ADCY8: variants seen among roughly 807,000 people sequenced by gnomAD.
ADCY8 encodes the protein adenylate cyclase 8.
A neutral mutation model predicts 119.7 loss-of-function variants in ADCY8; 51 were observed. That is an observed-to-expected ratio of 0.43 (90% CI 0.34 to 0.54). The LOEUF (loss-of-function observed/expected upper bound fraction) is 0.54, where lower values mean the gene tolerates loss of function less well. Ranked by LOEUF, ADCY8 falls within the 20% of genes least tolerant of loss-of-function variation. The probability of loss-of-function intolerance (pLI) is 0.03; values close to 1 mark genes in which losing one functional copy is unlikely to be tolerated. For synonymous variants in ADCY8, 665 were observed against 651.0 expected, an observed-to-expected ratio of 1.02 and a Z score of -0.33; for missense variants, 1,383 against 1,598.8, an observed-to-expected ratio of 0.87 and a Z score of 2.30.
chr8:131,031,086 G>T (rs1823982374), intron 1 of ADCY8, among the ~76,000 whole-genome samples: 2 of 151,864 alleles, frequency 1.3e-5, no homozygotes. Context: ...CCCTCTATAG[G>T]AATATATATG....
intron 9 of ADCY8, among the ~76,000 whole-genome samples, chr8:130,855,892 C>T (rs922722602): frequency 1.3e-5 from 2 of 152,130 alleles, no homozygotes; most frequent in African/African-American, 4.8e-5. Context: ...CCAGATTTCA[C>T]TCCCACCTCT....
rs745439170 is a variant in ADCY8 at position 130,951,897 on chromosome 8, C to T, written c.1212G>A (p.Arg404=). 1.9e-6 allele frequency: 3 copies of T among 1,614,038 alleles called. No homozygotes were observed. The Admixed American group carries it at 5.0e-5, about 27-fold the overall frequency. Residue 404 remains arginine (R), a synonymous_variant, in exon 3 of 18, where the codon CGG becomes CGA. Coordinates refer to ENST00000286355, the MANE Select transcript of ADCY8 (RefSeq NM_001115.3). ...EDEHLQHQFH[R]IYIHRYENVS... is the part of the protein sequence containing the mutation. ...CGTTCTCATAGCGATGGATGTAGAT[C>T]CGATGGAACTGGTGCTGCAGGTGCT...
At chr8:130,984,151 T>C (rs951467382) in intron 2 of ADCY8, among the ~76,000 whole-genome samples, 1 of 146,818 alleles carries the variant, frequency 6.8e-6, no homozygotes, top group African/African-American at 2.6e-5. Context: ...GCTCCCTGTG[T>C]GGGACAGAGG....
Position 130,800,577 on chromosome 8 carries a change from A to T in ADCY8, c.2914-5T>A. The T allele has an allele frequency of 6.2e-7, 1 of 1,613,746 alleles. No homozygotes were observed. The highest frequency in any genetic ancestry group is 2.2e-5 in the East Asian group (1 of 44,882). ...ATAGGATTGAGAATACAGCTCCTGG[A>T]CAGAGACACACAGAGGGCACCAGAA... On this transcript the variant is annotated splice_region_variant and splice_polypyrimidine_tract_variant and intron_variant, in intron 14 of 17. Coordinates refer to ENST00000286355, the MANE Select transcript of ADCY8 (RefSeq NM_001115.3).
At position 130,946,512 on chromosome 8, in the gene ADCY8, C is replaced by T. The variant is rs568288377; in HGVS notation, c.1242-3050G>A. Among the ~76,000 whole-genome samples the T allele has an allele frequency of 2.1e-4, 32 of 152,250 alleles. No homozygotes were observed. In the South Asian group the frequency reaches 6.6e-3, roughly 32 times the overall value. ...TTAAAATCATGTTAAGAGTCTATAC[C>T]CCTCTGGAGACTTCCCCAAGCATAG... On this transcript the variant is annotated intron_variant, in intron 3 of 17. Transcript: ENST00000286355.
At chr8:130,902,814 C>T (rs917904251) in intron 7 of ADCY8, among the ~76,000 whole-genome samples, 1 of 151,818 alleles carries the variant, frequency 6.6e-6, no homozygotes, top group Non-Finnish European at 1.5e-5. Flanking sequence ...TCTGCTTGGT[C>T]GAGGATCTTA....
In ADCY8 at chr8:131,023,718, C is replaced by T. The variant is rs567431635; in HGVS notation, c.960+15656G>A. Among the ~76,000 whole-genome samples the T allele has an allele frequency of 3.3e-4, 50 of 152,158 alleles. No individual in the cohort carries two copies. The Middle Eastern group carries it at 0.014, about 41-fold the overall frequency. ...GGTTGTTTGATATTGAGATAAGTTC[C>T]CAGTTTGAAATCTGCACATGTGCAT... On this transcript the variant is annotated intron_variant, in intron 1 of 17. Coordinates refer to ENST00000286355, the MANE Select transcript of ADCY8 (RefSeq NM_001115.3).
intron 13 of ADCY8, among the ~76,000 whole-genome samples, chr8:130,819,023 C>T (rs1008482091): frequency 1.3e-5 from 2 of 152,056 alleles, no homozygotes; most frequent in South Asian, 2.1e-4. Context: ...TTTATATGTG[C>T]GAGCCACTGG....
intron 1 of ADCY8, among the ~76,000 whole-genome samples, chr8:131,029,695 A>G (rs570195000): frequency 4.5e-4 from 68 of 152,354 alleles, no homozygotes; most frequent in African/African-American, 1.6e-3. Context: ...ATGTACATGT[A>G]TATGAATATG....
At chr8:130,992,419 A>ATATATG (rs1285425090) in intron 1 of ADCY8, among the ~76,000 whole-genome samples, 26 of 127,770 alleles carry the variant, frequency 2.0e-4, no homozygotes, top group African/African-American at 8.6e-4. Context: ...ATATATATAT[A>ATATATG]TATATATATA....
rs1563689652 is a variant in ADCY8 at position 130,846,798 on chromosome 8, CCT to C, written c.2502+624_2502+625del. The stretch of plus-strand genomic sequence containing the variant: ...TCCTTCTCCTTCCTTCCTTCTCCTT[CCT>C]TCCTTCCCTCCCCTCCCTTTCCTTC... On this transcript the variant is annotated intron_variant, in intron 11 of 17. Transcript: ENST00000286355. Among the ~76,000 whole-genome samples, 68 of 96,588 alleles carry C rather than the reference CCT, an allele frequency of 7.0e-4. 8 individuals are homozygous for C. Among genetic ancestry groups the C allele is most frequent in the South Asian group, 1.8e-3 (3 of 1,646 alleles). The allele number at this position is 96,588 out of a possible 152,430, so 63.4% of individuals were successfully genotyped here.
rs147964299 is a variant in ADCY8, at chr8:130,956,631, A to G, written c.1111-4633T>C. Among the ~76,000 whole-genome samples, 83 of 152,296 alleles carry G rather than the reference A, an allele frequency of 5.4e-4. 2 individuals carry two copies. The Middle Eastern group carries it at 0.017, about 31-fold the overall frequency. On this transcript the variant is annotated intron_variant, in intron 2 of 17. Transcript: ENST00000286355. ...TCTTTTTGTATCCAAGGCCCAGAAT[A>G]ATGCCTTGTGGTATGGTTTGGCAAA... is the stretch of plus-strand genomic sequence containing the variant.
At position 130,787,988 on chromosome 8, in the gene ADCY8, T is replaced by C. The variant is rs143628583; in HGVS notation, c.3061-2513A>G. On this transcript the variant is annotated intron_variant, in intron 15 of 17. Transcript: ENST00000286355. ...GAAAGTCAAGAATAGTTTTGGATTATATCACATGCTTGTCTATCACATGCA... is the reference window on the plus strand; with the variant it reads ...GAAAGTCAAGAATAGTTTTGGATTACATCACATGCTTGTCTATCACATGCA... Among the ~76,000 whole-genome samples, 857 of 152,348 alleles carry C rather than the reference T, an allele frequency of 5.6e-3. 5 individuals are homozygous for C. Among genetic ancestry groups the C allele is most frequent in the Middle Eastern group, 0.027 (8 of 294 alleles).
At chr8:130,950,996 C>A (rs966015768) in intron 3 of ADCY8, among the ~76,000 whole-genome samples, 7 of 152,192 alleles carry the variant, frequency 4.6e-5, no homozygotes, top group Non-Finnish European at 5.9e-5. Context: ...CCGTGCCCGG[C>A]CAGTACATTT....
At chr8:130,943,234 G>T in intron 4 of ADCY8, 117 bp downstream of exon 4, 1 of 706,254 alleles carries the variant, frequency 1.4e-6, no homozygotes. Flanking sequence ...CATGCCTAGG[G>T]ACAGGATGCA....
chr8:131,032,126 T>G (rs1037856872), intron 1 of ADCY8, among the ~76,000 whole-genome samples: 1 of 152,218 alleles, frequency 6.6e-6, no homozygotes, highest in African/African-American at 2.4e-5. Flanking sequence ...ATTTTTACAC[T>G]GGCACTGTAG....
intron 2 of ADCY8, among the ~76,000 whole-genome samples, chr8:130,982,600 C>A (rs901804314): frequency 6.6e-6 from 1 of 152,170 alleles, no homozygotes; most frequent in African/African-American, 2.4e-5. Flanking sequence ...TGCTCAGAGT[C>A]ACACTAGCAA....
At chr8:130,950,881 G>A (rs1205005667) in intron 3 of ADCY8, among the ~76,000 whole-genome samples, 2 of 152,066 alleles carry the variant, frequency 1.3e-5, no homozygotes, top group Admixed American at 1.3e-4. Context: ...TGTATTTTTG[G>A]TAGAGATGGG....
intron 15 of ADCY8, among the ~76,000 whole-genome samples, chr8:130,794,532 G>C (rs976789702): frequency 1.3e-5 from 2 of 152,154 alleles, no homozygotes; most frequent in Non-Finnish European, 2.9e-5. Context: ...CATGAGCCAC[G>C]ACGGCCAGCC....
Sources: gnomAD v4.1 joint callset for allele counts (sites outside exome capture counted in the v4.1 genomes callset) on GRCh38, gnomAD v4.1.1 for gene constraint, MANE v1.5 for transcripts, NCBI Gene and HGNC (gene_info 2026-07-23, HGNC 2026-07-21) for gene names.